The following EBF1 variants were observed in gnomAD, a reference collection of about 807,000 sequenced individuals.
EBF1 encodes the protein transcription factor COE1.
EBF1 carries 10 observed loss-of-function variants against 68.4 expected under a neutral mutation model. The observed-to-expected ratio is 0.15, with a 90% CI of 0.09 to 0.25. The LOEUF is 0.25. Among genes scored for constraint, EBF1 ranks in the 10% least tolerant of loss-of-function variants. EBF1 has a pLI of 1.00. For missense variants in EBF1, 509 were observed against 794.4 expected (o/e 0.64, Z 4.32); for synonymous variants, 298 against 299.8 (o/e 0.99, Z 0.06).
intron 6 of EBF1, among the ~76,000 whole-genome samples, chr5:159,016,745 T>G (rs113325858): frequency 2.0e-5 from 3 of 152,284 alleles, no homozygotes; most frequent in African/African-American, 7.2e-5. Context: ...GCTCAAAGCG[T>G]GAGATCCATC....
At chr5:158,756,072 T>G (rs1199154744) in intron 10 of EBF1, among the ~76,000 whole-genome samples, 1 of 152,120 alleles carries the variant, frequency 6.6e-6, no homozygotes, top group Non-Finnish European at 1.5e-5. Context: ...GTTCTGTAGT[T>G]GGCCCTGGCT....
chr5:158,756,172 G>A (rs769547264), intron 10 of EBF1, among the ~76,000 whole-genome samples: 3 of 152,184 alleles, frequency 2.0e-5, no homozygotes, highest in Non-Finnish European at 4.4e-5. Context: ...ATTCTGGCAG[G>A]CTGTTTCCCT....
chr5:159,064,031 T>A (rs751430464), intron 6 of EBF1, among the ~76,000 whole-genome samples: 23 of 152,208 alleles, frequency 1.5e-4, no homozygotes, highest in Non-Finnish European at 2.8e-4. Flanking sequence ...CCCAGATTTC[T>A]GTATGGATTA....
At chr5:159,006,647 T>TAAAAAAAAAAAAAAAAAAAAAAAAAA (rs36045942) in intron 6 of EBF1, among the ~76,000 whole-genome samples, 2 of 56,226 alleles carry the variant, frequency 3.6e-5, no homozygotes, top group African/African-American at 8.8e-5. Context: ...ATAGCCATGT[T>TAAAAAAAAAAAAAAAAAAAAAAAAAA]AAAAAAAAAA....
intron 7 of EBF1, among the ~76,000 whole-genome samples, chr5:158,839,623 T>TCTG (rs1304855852): frequency 3.3e-5 from 5 of 152,230 alleles, no homozygotes; most frequent in Non-Finnish European, 5.9e-5. Flanking sequence ...ACTCAAACAA[T>TCTG]CTGCCTACCT....
At position 158,909,709 on chromosome 5, in the gene EBF1, C is replaced by T. The variant is rs528768605; in HGVS notation, c.555-69599G>A. Reference sequence around the variant, plus strand: ...ATCCCAGCACTTTGGGAGGCCGAGGCGGGAGGATCACAAGGTCAGGAGATC... The same window carrying T: ...ATCCCAGCACTTTGGGAGGCCGAGGTGGGAGGATCACAAGGTCAGGAGATC... On this transcript the variant is annotated intron_variant, in intron 6 of 15. Coordinates refer to ENST00000313708, the MANE Select transcript of EBF1 (RefSeq NM_024007.5). 3.1e-3 allele frequency among the ~76,000 whole-genome samples: 465 copies of T among 152,062 alleles called. 1 individual carries two copies. The highest frequency in any genetic ancestry group is 4.5e-3 in the Non-Finnish European group (308 of 67,974).
chr5:158,748,962 C>T (rs1301517393), intron 10 of EBF1, among the ~76,000 whole-genome samples: 1 of 152,026 alleles, frequency 6.6e-6, no homozygotes, highest in Non-Finnish European at 1.5e-5. Flanking sequence ...TTTGAAAGTC[C>T]CACTTTGTCT....
chr5:158,863,810 T>C (rs1249831955), intron 6 of EBF1, among the ~76,000 whole-genome samples: 1 of 152,174 alleles, frequency 6.6e-6, no homozygotes, highest in Non-Finnish European at 1.5e-5. Context: ...TCAAACCTTT[T>C]TCTTTGGTGT....
chr5:158,872,862 GCCA>G, intron 6 of EBF1, among the ~76,000 whole-genome samples: 1 of 152,130 alleles, frequency 6.6e-6, no homozygotes, highest in Non-Finnish European at 1.5e-5. Context: ...GTTACAATAT[GCCA>G]GGCACTGTCC....
chr5:159,050,670 C>A (rs7736443), intron 6 of EBF1, among the ~76,000 whole-genome samples: 132,998 of 152,178 alleles, frequency 0.87, 58,490 homozygotes, highest in African/African-American at 0.97. Flanking sequence ...GCATGAACTC[C>A]CTTATAAGGG....
chr5:158,975,278 A>AATATTC, intron 6 of EBF1, among the ~76,000 whole-genome samples: 1 of 152,126 alleles, frequency 6.6e-6, no homozygotes, highest in African/African-American at 2.4e-5. Context: ...ACTCCCCCCA[A>AATATTC]AAAATATTTG....
At chr5:158,760,890 A>C (rs923590584) in intron 10 of EBF1, among the ~76,000 whole-genome samples, 2 of 152,220 alleles carry the variant, frequency 1.3e-5, no homozygotes, top group Non-Finnish European at 2.9e-5. Flanking sequence ...GGTACACTAA[A>C]TAAGATGCAG....
At chr5:159,057,893 G>T (rs1269682280) in intron 6 of EBF1, among the ~76,000 whole-genome samples, 2 of 152,172 alleles carry the variant, frequency 1.3e-5, no homozygotes, top group African/African-American at 2.4e-5. Flanking sequence ...AAAAAATCCT[G>T]CTTACCTCAC....
chr5:158,908,351 C>T (rs1331370599), intron 6 of EBF1, among the ~76,000 whole-genome samples: 4 of 152,118 alleles, frequency 2.6e-5, no homozygotes, highest in African/African-American at 7.2e-5. Flanking sequence ...AAAGGTATTG[C>T]CACAGATAAA....
intron 6 of EBF1, among the ~76,000 whole-genome samples, chr5:158,919,967 A>G (rs954289090): frequency 6.6e-6 from 1 of 152,216 alleles, no homozygotes; most frequent in Non-Finnish European, 1.5e-5. Flanking sequence ...AGAAAAATCT[A>G]GAGGAAAAAA....
intron 6 of EBF1, among the ~76,000 whole-genome samples, chr5:158,875,701 C>A (rs1797691109): frequency 6.6e-6 from 1 of 152,162 alleles, no homozygotes; most frequent in African/African-American, 2.4e-5. Context: ...GTCTTGATTT[C>A]CCTGTGCAAT....
chr5:158,926,827 AAAT>A (rs1186541916), intron 6 of EBF1, among the ~76,000 whole-genome samples: 1 of 152,232 alleles, frequency 6.6e-6, no homozygotes, highest in Non-Finnish European at 1.5e-5. Context: ...TTTATTGTAC[AAAT>A]AATAGCCCTC....
intron 8 of EBF1, among the ~76,000 whole-genome samples, chr5:158,799,833 G>A (rs940427454): frequency 4.6e-5 from 7 of 152,164 alleles, no homozygotes; most frequent in African/African-American, 1.7e-4. Flanking sequence ...AAAGAAGCCA[G>A]GAAGCCACAT....
At chr5:158,782,232 G>A (rs1776577466) in intron 9 of EBF1, among the ~76,000 whole-genome samples, 1 of 152,128 alleles carries the variant, frequency 6.6e-6, no homozygotes, top group Admixed American at 6.6e-5. Context: ...AATTTATACT[G>A]TTATGATATT....
Sources: allele counts gnomAD v4.1 joint callset (sites outside exome capture counted in the v4.1 genomes callset), GRCh38; gene constraint gnomAD v4.1.1; transcripts MANE v1.5; gene names NCBI Gene and HGNC (gene_info 2026-07-23, HGNC 2026-07-21).